The following SUMF1 variants were observed in gnomAD, a reference collection of about 807,000 sequenced individuals.
SUMF1 encodes the protein formylglycine-generating enzyme.
Under a neutral mutation model 47.6 loss-of-function variants are expected in SUMF1, and 48 were observed. The observed-to-expected ratio is 1.01, with a 90% CI of 0.80 to 1.28. The LOEUF is 1.28. SUMF1 is among the 50% of genes most tolerant of loss of function. The pLI is 0.00. For missense variants in SUMF1, 571 were observed against 485.4 expected (o/e 1.18, Z -1.66); for synonymous variants, 230 against 192.1 (o/e 1.20, Z -1.63).
At chr3:4,063,928 A>G (rs568669762) in intron 9 of SUMF1, among the ~76,000 whole-genome samples, 4 of 152,168 alleles carry the variant, frequency 2.6e-5, no homozygotes, top group Admixed American at 1.3e-4. Context: ...AAATCAGTAC[A>G]TCACTTGACA....
chr3:4,378,325 T>C (rs1700392374), intron 7 of SUMF1, among the ~76,000 whole-genome samples: 1 of 152,176 alleles, frequency 6.6e-6, no homozygotes, highest in African/African-American at 2.4e-5. Flanking sequence ...GTTGTATGGA[T>C]ACTTAAACCA....
chr3:4,117,383 A>G (rs1233681051), intron 8 of SUMF1, among the ~76,000 whole-genome samples: 1 of 152,144 alleles, frequency 6.6e-6, no homozygotes, highest in Non-Finnish European at 1.5e-5. Context: ...ATGACAAATT[A>G]TTCCTGGGAA....
In SUMF1 at chr3:4,467,171, G is replaced by A. The variant is rs772504869; in HGVS notation, c.75C>T (p.Leu25=). 9 of 1,607,702 alleles carry A rather than the reference G, an allele frequency of 5.6e-6. No homozygotes were observed. Among genetic ancestry groups the A allele is most frequent in the Non-Finnish European group, 7.6e-6 (9 of 1,177,858 alleles). The change falls in exon 1 of 9, where the codon CTC becomes CTT. Residue 25 remains leucine (L), a synonymous_variant. Transcript: ENST00000272902. ...TCCCTGCCGCTCCACACAGCAGCGA[G>A]AGCAGCAGCAGCAAGAGGACGAGAC... ...ELGLVLLLLL[L]SLLCGAAGSQ... is the part of the protein sequence containing the mutation.
chr3:4,171,134 G>A (rs1485143805), intron 8 of SUMF1, among the ~76,000 whole-genome samples: 2 of 152,156 alleles, frequency 1.3e-5, no homozygotes, highest in Non-Finnish European at 2.9e-5. Flanking sequence ...CTTTATGGCT[G>A]AATAAACACC....
At chr3:4,041,697 A>C (rs533054336) in intron 9 of SUMF1, among the ~76,000 whole-genome samples, 1 of 152,330 alleles carries the variant, frequency 6.6e-6, no homozygotes, top group East Asian at 1.9e-4. Flanking sequence ...AGAGGGCAAA[A>C]ATAAAAAATA....
intron 8 of SUMF1, among the ~76,000 whole-genome samples, chr3:4,203,308 T>C (rs1468083752): frequency 6.6e-6 from 1 of 152,044 alleles, no homozygotes; most frequent in Non-Finnish European, 1.5e-5. Context: ...TTATATCTTC[T>C]TGCAGAATTC....
intron 8 of SUMF1, among the ~76,000 whole-genome samples, chr3:4,207,126 CTTAAT>C (rs1435900656): frequency 6.6e-6 from 1 of 151,894 alleles, no homozygotes; most frequent in African/African-American, 2.4e-5. Flanking sequence ...ATGATATTAT[CTTAAT>C]TTTATTTTTA....
intron 8 of SUMF1, chr3:4,303,255 T>C: frequency 8.3e-7 from 1 of 1,207,708 alleles, no homozygotes; most frequent in Non-Finnish European, 1.1e-6. Context: ...AGGCCACTCC[T>C]GAGAAGAAAC....
chr3:4,418,184 C>A (rs1022564359), intron 4 of SUMF1, 52 bp from the exon 5 acceptor site: 20 of 1,612,048 alleles, frequency 1.2e-5, no homozygotes, highest in Non-Finnish European at 1.4e-5. Context: ...GAACAAGAAG[C>A]AGGAGCTGGC....
intron 8 of SUMF1, among the ~76,000 whole-genome samples, chr3:4,085,532 CAT>C (rs759239035): frequency 9.9e-5 from 15 of 152,194 alleles, no homozygotes; most frequent in Middle Eastern, 3.4e-3. Context: ...GAGATACCCA[CAT>C]GTCTTGTTAA....
chr3:4,163,691 G>C (rs1421054344), intron 8 of SUMF1, among the ~76,000 whole-genome samples: 2 of 151,764 alleles, frequency 1.3e-5, no homozygotes, highest in Non-Finnish European at 2.9e-5. Flanking sequence ...GAGTGGGGCA[G>C]AGTTAAAACA....
In SUMF1 at chr3:4,104,666, TTCTC is replaced by T. The variant is rs111963235; in HGVS notation, c.1015-35925_1015-35922del. Among the ~76,000 whole-genome samples the T allele has an allele frequency of 5.4e-3, 798 of 146,802 alleles. 7 individuals are homozygous for T. The highest frequency in any genetic ancestry group is 0.014 in the Middle Eastern group (4 of 286). ...CTAGAGGATCCTAGTAAATCTCGAT[TTCTC>T]TCTCTCTCTCTCTCTCTCTCTTTCT... On this transcript the variant is annotated intron_variant and NMD_transcript_variant, in intron 8 of 12. Transcript: ENST00000448413.
Position 4,071,610 on chromosome 3 carries a change from T to G in SUMF1, c.1015-2865A>C, listed in dbSNP as rs563288378. Among the ~76,000 whole-genome samples the G allele has an allele frequency of 2.6e-5, 4 of 152,240 alleles. No individual in the cohort carries two copies. The South Asian group carries it at 8.3e-4, about 32-fold the overall frequency. On this transcript the variant is annotated intron_variant and NMD_transcript_variant, in intron 8 of 12. Transcript: ENST00000448413. ...CTGAGACGACCTGGGATGCTGGAGC[T>G]TAGTGGGGGGAGGGGCATCCGCCAT... is the stretch of plus-strand genomic sequence containing the variant.
intron 8 of SUMF1, among the ~76,000 whole-genome samples, chr3:4,204,517 C>A (rs1345747021): frequency 6.6e-6 from 1 of 152,018 alleles, no homozygotes; most frequent in Non-Finnish European, 1.5e-5. Context: ...ATATTGTTAT[C>A]TCTCTCTAGG....
At chr3:4,339,453 G>A (rs1444916903) in intron 8 of SUMF1, among the ~76,000 whole-genome samples, 3 of 152,162 alleles carry the variant, frequency 2.0e-5, no homozygotes, top group South Asian at 2.1e-4. Context: ...AAATCTCAAC[G>A]AAGACCTCAG....
intron 8 of SUMF1, among the ~76,000 whole-genome samples, chr3:4,191,101 T>C (rs1369637477): frequency 6.6e-6 from 1 of 152,152 alleles, no homozygotes; most frequent in East Asian, 1.9e-4. Context: ...TAACCAAGTC[T>C]GGTAAAGAAT....
chr3:4,367,633 C>T (rs1432246421), intron 8 of SUMF1, among the ~76,000 whole-genome samples: 1 of 152,146 alleles, frequency 6.6e-6, no homozygotes, highest in Non-Finnish European at 1.5e-5. Flanking sequence ...GGTACCAAAA[C>T]AGAGATATAG....
intron 8 of SUMF1, among the ~76,000 whole-genome samples, chr3:4,077,805 T>TA (rs201020574): frequency 1.1e-3 from 166 of 151,116 alleles, no homozygotes; most frequent in South Asian, 1.9e-3. Context: ...TAAAGTATAA[T>TA]AAAAAAAAAC....
intron 7 of SUMF1, among the ~76,000 whole-genome samples, chr3:4,401,206 G>C (rs1701201136): frequency 6.6e-6 from 1 of 151,986 alleles, no homozygotes; most frequent in Non-Finnish European, 1.5e-5. Flanking sequence ...TCTTAATCTA[G>C]TTTATCACTG....
Sources: gnomAD v4.1 joint callset for allele counts (sites outside exome capture counted in the v4.1 genomes callset) on GRCh38, gnomAD v4.1.1 for gene constraint, MANE v1.5 for transcripts, NCBI Gene and HGNC (gene_info 2026-07-23, HGNC 2026-07-21) for gene names.